Variants in PLD5 observed in about 807,000 individuals in gnomAD.
PLD5 encodes the protein phospholipase D family member 5, also known as inactive phospholipase D5.
In PLD5, 36 loss-of-function variants were observed where a neutral mutation model predicts 61.1. The observed-to-expected ratio is 0.59, with a 90% confidence interval of 0.45 to 0.78. PLD5 has a LOEUF of 0.78. Ranked by LOEUF, PLD5 falls within the 30% of genes least tolerant of loss-of-function variation. The pLI, the probability that PLD5 is intolerant of heterozygous loss-of-function variation, is 0.00. For synonymous variants in PLD5, 243 were observed against 242.8 expected, an observed-to-expected ratio of 1.00 and a Z score of -0.01; for missense variants, 515 against 644.4, an observed-to-expected ratio of 0.80 and a Z score of 2.17.
Position 242,296,769 on chromosome 1 carries a change from A to G in PLD5, c.327-8239T>C, listed in dbSNP as rs149806631. On this transcript the variant is annotated intron_variant, in intron 2 of 9. Transcript: ENST00000536534. ...TTGTTCAGGCTGAAGTGCAGTAGCT[A>G]TTCACAGGCATGATCATAGCACACT... Among the ~76,000 whole-genome samples the G allele has an allele frequency of 7.3e-3, 1,118 of 152,216 alleles. 14 individuals are homozygous for G. The highest frequency in any genetic ancestry group is 0.025 in the African/African-American group (1,045 of 41,516).
chr1:242,416,521 T>TAA (rs1277734903), intron 1 of PLD5, among the ~76,000 whole-genome samples: 53 of 152,256 alleles, frequency 3.5e-4, no homozygotes, highest in African/African-American at 1.2e-3. Context: ...TAATCAGTAG[T>TAA]TTTGGAGCTG....
At chr1:242,386,239 G>A (rs1216310745) in intron 1 of PLD5, among the ~76,000 whole-genome samples, 1 of 152,074 alleles carries the variant, frequency 6.6e-6, no homozygotes, top group African/African-American at 2.4e-5. Flanking sequence ...GGTACTTGGG[G>A]GTAGAACTTC....
At chr1:242,232,227 A>C (rs1409438578) in intron 4 of PLD5, among the ~76,000 whole-genome samples, 1 of 152,214 alleles carries the variant, frequency 6.6e-6, no homozygotes, top group African/African-American at 2.4e-5. Flanking sequence ...ACTTTCAGAG[A>C]GGAAATGAAC....
At chr1:242,213,236 G>C (rs1305029521) in intron 5 of PLD5, among the ~76,000 whole-genome samples, 1 of 152,152 alleles carries the variant, frequency 6.6e-6, no homozygotes, top group Non-Finnish European at 1.5e-5. Context: ...AGGCCAGCTT[G>C]TCGATTTCAT....
intron 1 of PLD5, among the ~76,000 whole-genome samples, chr1:242,506,874 G>T (rs570840395): frequency 7.2e-5 from 11 of 152,318 alleles, no homozygotes; most frequent in East Asian, 5.8e-4. Flanking sequence ...GCCAGCCTCT[G>T]CACCAGTCCC....
chr1:242,215,151 G>A (rs764380653), intron 5 of PLD5, among the ~76,000 whole-genome samples: 3 of 149,758 alleles, frequency 2.0e-5, no homozygotes, highest in Non-Finnish European at 2.9e-5. Context: ...GCCTCCCAAA[G>A]TGCTGGGATT....
chr1:242,485,946 C>G (rs1389674399), intron 1 of PLD5, among the ~76,000 whole-genome samples: 4 of 151,958 alleles, frequency 2.6e-5, no homozygotes, highest in African/African-American at 9.7e-5. Context: ...ACAAACCTGA[C>G]AAAAACAAGA....
chr1:242,150,552 T>C (rs1447899532), intron 5 of PLD5, among the ~76,000 whole-genome samples: 1 of 151,884 alleles, frequency 6.6e-6, no homozygotes, highest in Admixed American at 6.6e-5. Flanking sequence ...TATCATCATG[T>C]AATGTTGCTC....
intron 2 of PLD5, among the ~76,000 whole-genome samples, chr1:242,341,916 C>T (rs561463238): frequency 2.7e-4 from 41 of 149,328 alleles, no homozygotes; most frequent in Non-Finnish European, 4.8e-4. Context: ...CAGCCTAGAC[C>T]GGTAGCCACC....
At chr1:242,506,702 A>G (rs1360936485) in intron 1 of PLD5, among the ~76,000 whole-genome samples, 1 of 152,204 alleles carries the variant, frequency 6.6e-6, no homozygotes, top group African/African-American at 2.4e-5. Context: ...TCTCCACAGA[A>G]AAACCTCAAG....
chr1:242,326,935 G>A (rs1000392041), intron 2 of PLD5, among the ~76,000 whole-genome samples: 12 of 151,216 alleles, frequency 7.9e-5, no homozygotes, highest in African/African-American at 2.2e-4. Context: ...GTGCAATCTC[G>A]GCTCACTGCA....
At chr1:242,484,941 A>G (rs1667906813) in intron 1 of PLD5, among the ~76,000 whole-genome samples, 1 of 152,146 alleles carries the variant, frequency 6.6e-6, no homozygotes, top group African/African-American at 2.4e-5. Context: ...GCATATAAAC[A>G]GAACCAAAGA....
At chr1:242,483,705 A>G (rs376877569) in intron 1 of PLD5, among the ~76,000 whole-genome samples, 1 of 152,182 alleles carries the variant, frequency 6.6e-6, no homozygotes, top group Non-Finnish European at 1.5e-5. Flanking sequence ...TGCACCAAGC[A>G]GACCTAATAG....
chr1:242,265,577 T>G (rs1242220823), intron 3 of PLD5, 129 bp from the exon 4 acceptor site: 1 of 778,106 alleles, frequency 1.3e-6, no homozygotes, highest in Non-Finnish European at 2.0e-6. Context: ...TTTCAACAAC[T>G]GGTATTCAGA....
chr1:242,234,283 C>T lies in PLD5; in HGVS notation c.608-14168G>A, dbSNP rs1474232979. Among the ~76,000 whole-genome samples the T allele has an allele frequency of 5.3e-5, 8 of 152,090 alleles. No individual in the cohort carries two copies. The East Asian group carries it at 1.5e-3, about 29-fold the overall frequency. On this transcript the variant is annotated intron_variant, in intron 4 of 9. Transcript: ENST00000536534. ...CTGAAGAAAAATCCAGCCAACCGTGCATTGAATGCCTCTAAGACTTCTAAG... is the reference window on the plus strand; with the variant it reads ...CTGAAGAAAAATCCAGCCAACCGTGTATTGAATGCCTCTAAGACTTCTAAG...
intron 1 of PLD5, among the ~76,000 whole-genome samples, chr1:242,382,775 T>A (rs1662372559): frequency 6.6e-6 from 1 of 152,146 alleles, no homozygotes; most frequent in East Asian, 1.9e-4. Flanking sequence ...GTATTTTATA[T>A]TAAAAATAGG....
In PLD5 at chr1:242,100,789, GA is replaced by G. The variant is rs372385373; in HGVS notation, c.1240-8del. 0.016 allele frequency: 19,396 copies of G among 1,208,616 alleles called. No individual in the cohort carries two copies. The highest frequency in any genetic ancestry group is 0.025 in the East Asian group (764 of 30,012). The allele number at this position is 1,208,616 out of a possible 1,614,324, so 74.9% of individuals were successfully genotyped here. ...TTTCCAGATCAAAAAATTTCTGTAA[GA>G]AAAAAAAAAAGGGGGCAGGTAAATA... On this transcript the variant is annotated splice_polypyrimidine_tract_variant and splice_region_variant and intron_variant, in intron 8 of 9. Transcript: ENST00000536534.
At chr1:242,430,400 G>A (rs761601822) in intron 1 of PLD5, among the ~76,000 whole-genome samples, 2 of 152,108 alleles carry the variant, frequency 1.3e-5, no homozygotes, top group Non-Finnish European at 2.9e-5. Flanking sequence ...CCTCTTGTAA[G>A]AGCACTAATC....
intron 3 of PLD5, 42 bp downstream of exon 3, chr1:242,288,320 C>A (rs1574671256): frequency 6.3e-7 from 1 of 1,587,318 alleles, no homozygotes. Context: ...GTGGAAAATG[C>A]ACATAAGTAA....
Sources: gnomAD v4.1 joint callset for allele counts (sites outside exome capture counted in the v4.1 genomes callset) on GRCh38, gnomAD v4.1.1 for gene constraint, MANE v1.5 for transcripts, NCBI Gene and HGNC (gene_info 2026-07-23, HGNC 2026-07-21) for gene names.